SARDH: variants seen among roughly 807,000 people sequenced by gnomAD.
SARDH encodes the protein sarcosine dehydrogenase.
Under a neutral mutation model 109.1 loss-of-function variants are expected in SARDH, and 95 were observed. That is an observed-to-expected ratio of 0.87 (90% confidence interval 0.74 to 1.03). The LOEUF (loss-of-function observed/expected upper bound fraction) is 1.03, where lower values mean the gene tolerates loss of function less well. SARDH is among the 50% of genes least tolerant of loss of function. The pLI is 0.00. For missense variants in SARDH, 1,267 were observed against 1,287.8 expected (o/e 0.98, Z 0.25); for synonymous variants, 572 against 534.8 (o/e 1.07, Z -0.96).
intron 7 of SARDH, 29 bp from the exon 8 acceptor site, chr9:133,717,484 C>T (rs1406888227): frequency 4.3e-6 from 7 of 1,613,140 alleles, no homozygotes; most frequent in African/African-American, 2.7e-5. Flanking sequence ...GGAACATCTC[C>T]GTTGTCCCCA....
Position 133,709,803 on chromosome 9 carries a change from G to A in SARDH, c.1329-1375C>T, listed in dbSNP as rs1319693521. ...GACCCAAGATTAACTCTTTCACGCA[G>A]GGGGAAACTGAGGCTCGGAAGGGTC... On this transcript the variant is annotated intron_variant, in intron 10 of 20. Transcript: ENST00000439388. This position sits in a 1 kb window ranked among gnomAD's most constrained non-coding sequence, Gnocchi z 4.2. Among the ~76,000 whole-genome samples the A allele has an allele frequency of 6.6e-6, 1 of 152,126 alleles. No homozygotes were observed. Among genetic ancestry groups the A allele is most frequent in the Non-Finnish European group, 1.5e-5 (1 of 68,028 alleles).
intron 15 of SARDH, 26 bp downstream of exon 15, chr9:133,694,232 G>A (rs1301147256): frequency 7.4e-6 from 11 of 1,493,684 alleles, no homozygotes; most frequent in African/African-American, 5.6e-5. Context: ...CAGTCACAGC[G>A]CCGTGTGCAC....
chr9:133,683,513 G>C (rs113092824), intron 17 of SARDH, among the ~76,000 whole-genome samples: 4,249 of 152,276 alleles, frequency 0.028, 186 homozygotes, highest in African/African-American at 0.095. Context: ...CCATCTGAAG[G>C]CCGTGTGGCC....
chr9:133,700,636 TA>T (rs895040563), intron 13 of SARDH, among the ~76,000 whole-genome samples: 4 of 152,104 alleles, frequency 2.6e-5, no homozygotes, highest in African/African-American at 9.7e-5. Flanking sequence ...GTGAACTCAC[TA>T]AAAAACACTG....
chr9:133,730,251 C>A, intron 4 of SARDH, 64 bp from the exon 5 acceptor site: 1 of 1,587,698 alleles, frequency 6.3e-7, no homozygotes, highest in East Asian at 2.2e-5. Context: ...TCCCACCCCA[C>A]TCCAACCAAC....
At chr9:133,739,274 T>C (rs1832983480), upstream of SARDH, among the ~76,000 whole-genome samples, 1 of 152,226 alleles carries the variant, frequency 6.6e-6, no homozygotes, top group Non-Finnish European at 1.5e-5. Context: ...CAGCTGCCAA[T>C]ACCGGAAGCG....
intron 16 of SARDH, among the ~76,000 whole-genome samples, chr9:133,688,922 C>T (rs974997802): frequency 3.9e-5 from 6 of 152,244 alleles, no homozygotes; most frequent in Admixed American, 1.3e-4. Flanking sequence ...AGCAAGCACG[C>T]GTCTACCGTG....
At chr9:133,671,089 G>T (rs959752945) in intron 18 of SARDH, among the ~76,000 whole-genome samples, 1 of 152,130 alleles carries the variant, frequency 6.6e-6, no homozygotes, top group Non-Finnish European at 1.5e-5. Flanking sequence ...TGCCCAACAC[G>T]CTGGGGAACC....
At chr9:133,670,498 G>C in intron 19 of SARDH, 86 bp downstream of exon 19, 1 of 1,406,806 alleles carries the variant, frequency 7.1e-7, no homozygotes, top group Admixed American at 2.2e-5. Context: ...GGTACCAGGG[G>C]CTTTGAGTGG....
intron 15 of SARDH, among the ~76,000 whole-genome samples, chr9:133,691,857 G>A (rs1387278792): frequency 6.6e-6 from 1 of 152,156 alleles, no homozygotes; most frequent in African/African-American, 2.4e-5. Flanking sequence ...GGTGTCCCCA[G>A]GACCCGCAGA....
At chr9:133,668,372 A>C (rs1329305112) in intron 19 of SARDH, among the ~76,000 whole-genome samples, 18 of 50,282 alleles carry the variant, frequency 3.6e-4, no homozygotes, top group African/African-American at 6.2e-4. Context: ...CCTCACCCTC[A>C]TTCTCCCTCA....
Position 133,731,262 on chromosome 9 carries a change from T to C in SARDH, c.690+43A>G. The C allele has an allele frequency of 1.2e-6, 2 of 1,603,866 alleles. 1 individual carries two copies. Among genetic ancestry groups the C allele is most frequent in the South Asian group, 2.2e-5 (2 of 89,738 alleles). On this transcript the variant is annotated intron_variant, in intron 4 of 20. Transcript: ENST00000439388. ...TCTCAGGGTTCTAAGGCAGGAGGAG[T>C]GGGCTGGGAACAGGGGACCCAGAGC...
chr9:133,679,936 C>T (rs2131355945), intron 17 of SARDH, among the ~76,000 whole-genome samples: 1 of 152,372 alleles, frequency 6.6e-6, no homozygotes, highest in East Asian at 1.9e-4. Context: ...AGAGGTTCCG[C>T]TGACTGCGCA....
At chr9:133,698,046 GAACT>G (rs1170334719) in intron 13 of SARDH, among the ~76,000 whole-genome samples, 1 of 124,084 alleles carries the variant, frequency 8.1e-6, no homozygotes, top group Non-Finnish European at 1.8e-5. Context: ...AAAACTGTTA[GAACT>G]AATAAAATAG....
chr9:133,672,870 G>A (rs549854855), intron 17 of SARDH, among the ~76,000 whole-genome samples: 1 of 152,356 alleles, frequency 6.6e-6, no homozygotes, highest in African/African-American at 2.4e-5. Flanking sequence ...GGACATGGTG[G>A]GAGGCAGGAG....
chr9:133,697,129 C>T lies in SARDH; in HGVS notation c.1669-768G>A, dbSNP rs115650757. ...ATGAAAGACAGGAGATCATGCCTAC[C>T]CCACAGAAATAAAAGGGATTCTGAG... On this transcript the variant is annotated intron_variant, in intron 13 of 20. Coordinates refer to ENST00000439388, the MANE Select transcript of SARDH (RefSeq NM_001134707.2). Among the ~76,000 whole-genome samples the T allele has an allele frequency of 3.6e-3, 549 of 152,214 alleles. 6 individuals are homozygous for T. Among genetic ancestry groups the T allele is most frequent in the African/African-American group, 0.013 (520 of 41,528 alleles).
At chr9:133,689,278 A>C (rs1282147877) in intron 16 of SARDH, among the ~76,000 whole-genome samples, 1 of 143,606 alleles carries the variant, frequency 7.0e-6, no homozygotes, top group Non-Finnish European at 1.5e-5. Context: ...GATATCCTCC[A>C]TGTCCCCAGA....
At chr9:133,738,054 G>A (rs1285672466) in intron 1 of SARDH, among the ~76,000 whole-genome samples, 200 bp downstream of exon 1, 1 of 152,192 alleles carries the variant, frequency 6.6e-6, no homozygotes, top group Non-Finnish European at 1.5e-5. Flanking sequence ...CCTGGTGAGG[G>A]TAGGCAGACT....
chr9:133,730,528 T>TAA (rs33917417), intron 4 of SARDH, among the ~76,000 whole-genome samples: 15,148 of 142,542 alleles, frequency 0.11, 1,038 homozygotes, highest in Middle Eastern at 0.16. Flanking sequence ...TACTGCTTGG[T>TAA]AAAAAAAAAA....
Sources: allele counts gnomAD v4.1 joint callset (sites outside exome capture counted in the v4.1 genomes callset), GRCh38; gene constraint gnomAD v4.1.1; non-coding constraint Gnocchi (gnomAD v3.1); transcripts MANE v1.5; gene names NCBI Gene and HGNC (gene_info 2026-07-23, HGNC 2026-07-21).